SND1: variants seen among roughly 807,000 people sequenced by gnomAD.
The protein encoded by SND1 is staphylococcal nuclease and tudor domain containing 1.
A neutral mutation model predicts 121.7 loss-of-function variants in SND1; 38 were observed. The ratio of observed to expected loss-of-function variants is 0.31; its 90% CI spans 0.24 to 0.41. The LOEUF (loss-of-function observed/expected upper bound fraction) is 0.41. Ranked by LOEUF, SND1 falls within the 10% of genes least tolerant of loss-of-function variation. SND1 has a pLI of 1.00. For missense variants in SND1, 868 were observed against 1,184.6 expected, an observed-to-expected ratio of 0.73 and a Z score of 3.92; for synonymous variants, 401 against 447.4, an observed-to-expected ratio of 0.90 and a Z score of 1.31.
intron 10 of SND1, among the ~76,000 whole-genome samples, chr7:127,792,049 T>G (rs1797918033): frequency 6.6e-6 from 1 of 152,236 alleles, no homozygotes; most frequent in African/African-American, 2.4e-5. Context: ...TCTCTTATTG[T>G]GTAATTTTTA....
At chr7:127,741,296 A>C (rs73723063) in intron 10 of SND1, among the ~76,000 whole-genome samples, 1 of 152,186 alleles carries the variant, frequency 6.6e-6, no homozygotes, top group Non-Finnish European at 1.5e-5. Context: ...AACTTTCTCA[A>C]GAAGTAAAAT....
intron 1 of SND1, among the ~76,000 whole-genome samples, chr7:127,652,865 A>G (rs1453968662): frequency 1.3e-5 from 2 of 152,184 alleles, no homozygotes; most frequent in Non-Finnish European, 2.9e-5. Flanking sequence ...CTTGGCCATC[A>G]TGAAACTTTT....
intron 9 of SND1, among the ~76,000 whole-genome samples, chr7:127,716,966 C>T (rs1276507430): frequency 2.6e-5 from 4 of 152,144 alleles, no homozygotes; most frequent in African/African-American, 9.7e-5. Context: ...TGGTTTGCAG[C>T]TTATACTAGT....
intron 16 of SND1, among the ~76,000 whole-genome samples, chr7:128,034,522 C>T (rs1414752202): frequency 6.6e-6 from 1 of 152,154 alleles, no homozygotes; most frequent in Admixed American, 6.5e-5. Context: ...TGGGCTGGTC[C>T]TCTGCTACTG....
At chr7:127,792,375 A>G (rs144196510) in intron 10 of SND1, among the ~76,000 whole-genome samples, 277 of 152,280 alleles carry the variant, frequency 1.8e-3, no homozygotes, top group African/African-American at 6.1e-3. Context: ...TCTTTGTCCA[A>G]TTGTGACCTG....
intron 16 of SND1, among the ~76,000 whole-genome samples, chr7:128,010,958 T>G (rs996885420): frequency 6.6e-6 from 1 of 152,112 alleles, no homozygotes; most frequent in Non-Finnish European, 1.5e-5. Context: ...TCAGCAGAGG[T>G]ATTTTTAGCT....
At chr7:127,886,561 A>G (rs1488315661) in intron 12 of SND1, among the ~76,000 whole-genome samples, 1 of 152,132 alleles carries the variant, frequency 6.6e-6, no homozygotes, top group East Asian at 1.9e-4. Flanking sequence ...CTTTGGTGTA[A>G]TTATGACAGA....
intron 18 of SND1, among the ~76,000 whole-genome samples, chr7:128,083,874 A>G (rs553923762): frequency 6.6e-6 from 1 of 152,162 alleles, no homozygotes; most frequent in South Asian, 2.1e-4. Context: ...GGGTGGGAGA[A>G]TTCTACAAGG....
At chr7:127,970,611 T>C (rs1801962895) in intron 15 of SND1, among the ~76,000 whole-genome samples, 1 of 152,246 alleles carries the variant, frequency 6.6e-6, no homozygotes, top group Admixed American at 6.5e-5. Flanking sequence ...ACATATTTTC[T>C]AGGTCCTTTA....
intron 15 of SND1, among the ~76,000 whole-genome samples, chr7:127,969,089 T>TA (rs963333025): frequency 6.6e-6 from 1 of 152,198 alleles, no homozygotes; most frequent in Non-Finnish European, 1.5e-5. Context: ...CACTACCTAG[T>TA]AACTGTTCCT....
At chr7:127,685,044 G>A (rs909366972) in intron 1 of SND1, among the ~76,000 whole-genome samples, 11 of 152,118 alleles carry the variant, frequency 7.2e-5, no homozygotes, top group African/African-American at 2.2e-4. Context: ...TTTGAGAGAA[G>A]GGGCTGCAAG....
At chr7:127,916,774 G>T (rs1800588681) in intron 14 of SND1, among the ~76,000 whole-genome samples, 1 of 152,210 alleles carries the variant, frequency 6.6e-6, no homozygotes, top group African/African-American at 2.4e-5. Context: ...GCAATTCCAT[G>T]AGTTACTGGT....
intron 18 of SND1, chr7:128,081,902 C>T (rs377659439): frequency 1.5e-5 from 8 of 537,296 alleles, no homozygotes; most frequent in East Asian, 5.4e-5. Context: ...TTGCTCAGCC[C>T]GTTTCCCTCT....
At chr7:127,987,199 G>A (rs1014520325) in intron 15 of SND1, among the ~76,000 whole-genome samples, 2 of 152,204 alleles carry the variant, frequency 1.3e-5, no homozygotes, top group Non-Finnish European at 2.9e-5. Flanking sequence ...GCTTGGGAGC[G>A]CTCCATTGCT....
chr7:127,812,283 G>A (rs553744801), intron 11 of SND1, among the ~76,000 whole-genome samples: 7 of 152,288 alleles, frequency 4.6e-5, no homozygotes, highest in East Asian at 1.9e-4. Flanking sequence ...CAGGTAGTCT[G>A]TGGCTATCAG....
intron 1 of SND1, among the ~76,000 whole-genome samples, chr7:127,668,989 A>G (rs1019791189): frequency 1.1e-4 from 17 of 150,910 alleles, no homozygotes; most frequent in African/African-American, 4.1e-4. Flanking sequence ...TTCCCTCAGC[A>G]GTGCCTCCCC....
chr7:127,915,651 A>G (rs1331312253), intron 14 of SND1, among the ~76,000 whole-genome samples: 2 of 152,358 alleles, frequency 1.3e-5, no homozygotes, highest in African/African-American at 2.4e-5. Context: ...TTACAATTGT[A>G]ATGGGAGTAC....
At chr7:127,789,231 A>C (rs1045933013) in intron 10 of SND1, among the ~76,000 whole-genome samples, 1 of 152,208 alleles carries the variant, frequency 6.6e-6, no homozygotes, top group Non-Finnish European at 1.5e-5. Context: ...GCTGCCAAGA[A>C]ACAGCCTGTG....
At chr7:127,768,913 A>G (rs569310192) in intron 10 of SND1, among the ~76,000 whole-genome samples, 1 of 152,286 alleles carries the variant, frequency 6.6e-6, no homozygotes, top group African/African-American at 2.4e-5. Flanking sequence ...TTGGGAGGGG[A>G]CAGGGCTGGA....
Sources: gnomAD v4.1 joint callset for allele counts (sites outside exome capture counted in the v4.1 genomes callset) on GRCh38, gnomAD v4.1.1 for gene constraint, MANE v1.5 for transcripts, NCBI Gene and HGNC (gene_info 2026-07-23, HGNC 2026-07-21) for gene names.